The following NDUFS4 variants were observed in gnomAD, a reference collection of about 807,000 sequenced individuals.
NDUFS4 encodes NADH dehydrogenase [ubiquinone] iron-sulfur protein 4, mitochondrial.
A neutral mutation model predicts 24.3 loss-of-function variants in NDUFS4; 28 were observed. That is an observed-to-expected ratio of 1.15 (90% confidence interval 0.85 to 1.58). NDUFS4 has a LOEUF of 1.58. Ranked by LOEUF, NDUFS4 falls within the 40% of genes most tolerant of loss-of-function variation. The pLI is 0.00. For synonymous variants in NDUFS4, 93 were observed against 69.7 expected (o/e 1.34, Z -1.67); for missense variants, 223 against 207.9 (o/e 1.07, Z -0.45).
chr5:53,653,924 A>G (rs1216375879), intron 3 of NDUFS4, among the ~76,000 whole-genome samples: 2 of 152,130 alleles, frequency 1.3e-5, no homozygotes, highest in African/African-American at 2.4e-5. Flanking sequence ...AAGCCACATT[A>G]TGTACTGTCT....
At chr5:53,650,563 T>G (rs1252748526) in intron 3 of NDUFS4, among the ~76,000 whole-genome samples, 1 of 152,262 alleles carries the variant, frequency 6.6e-6, no homozygotes, top group African/African-American at 2.4e-5. Flanking sequence ...GTTCAGATTC[T>G]TGTCTGTGTC....
chr5:53,607,305 C>T (rs1750552919), intron 2 of NDUFS4, among the ~76,000 whole-genome samples: 1 of 152,194 alleles, frequency 6.6e-6, no homozygotes, highest in Admixed American at 6.5e-5. Context: ...AGATGTCAAG[C>T]TCAATCACAT....
At chr5:53,650,287 A>G (rs1328924894) in intron 3 of NDUFS4, among the ~76,000 whole-genome samples, 1 of 152,222 alleles carries the variant, frequency 6.6e-6, no homozygotes, top group African/African-American at 2.4e-5. Context: ...GAGAAAAAGT[A>G]ATATCTTCCT....
intron 4 of NDUFS4, among the ~76,000 whole-genome samples, chr5:53,671,509 G>C (rs544800094): frequency 6.6e-6 from 1 of 152,256 alleles, no homozygotes; most frequent in Non-Finnish European, 1.5e-5. Context: ...AACATCTTAA[G>C]CTCAGCATCT....
At chr5:53,588,760 T>C (rs1039030695) in intron 1 of NDUFS4, among the ~76,000 whole-genome samples, 1 of 152,214 alleles carries the variant, frequency 6.6e-6, no homozygotes, top group African/African-American at 2.4e-5. Flanking sequence ...AGCTTTCCCT[T>C]TGATGTAATA....
intron 1 of NDUFS4, among the ~76,000 whole-genome samples, chr5:53,603,163 A>G (rs1750380639): frequency 6.6e-6 from 1 of 152,132 alleles, no homozygotes; most frequent in Admixed American, 6.6e-5. Flanking sequence ...CTGTACACTC[A>G]TAGACAGCAG....
rs111260014 is a variant in NDUFS4 at position 53,586,496 on chromosome 5, TTTAGTTAGTTAG to T, written c.99-16949_99-16938del. Among the ~76,000 whole-genome samples the T allele has an allele frequency of 5.4e-3, 778 of 143,542 alleles. 5 individuals carry two copies. The highest frequency in any genetic ancestry group is 0.02 in the African/African-American group (743 of 37,430). 94.2% of individuals were successfully genotyped at this position (143,542 alleles called of 152,430 possible). On this transcript the variant is annotated intron_variant, in intron 1 of 4. Transcript: ENST00000296684. ...TGTAGTTGTTCAGGAAAATGAATTG[TTTAGTTAGTTAG>T]TTAGTTTGTTTGTTTGTTTATTTAT...
chr5:53,657,681 T>G (rs1752203363), intron 3 of NDUFS4, among the ~76,000 whole-genome samples: 1 of 152,024 alleles, frequency 6.6e-6, no homozygotes. Flanking sequence ...TACCAGCACT[T>G]TGGGAGGCTG....
At chr5:53,598,701 A>G (rs1029193938) in intron 1 of NDUFS4, among the ~76,000 whole-genome samples, 6 of 152,212 alleles carry the variant, frequency 3.9e-5, no homozygotes, top group African/African-American at 1.4e-4. Flanking sequence ...CAAAAATCTC[A>G]CCAAACTGTT....
Position 53,658,543 on chromosome 5 carries a change from T to C in NDUFS4, c.351-8T>C. 6.2e-7 allele frequency: 1 copy of C among 1,611,280 alleles called. No individual in the cohort carries two copies. Among genetic ancestry groups the C allele is most frequent in the East Asian group, 2.2e-5 (1 of 44,722 alleles). ...GTTAAATCTTGGAAAAAAATTTGTT[T>C]CTTACAGGGCTGATCCCTTATCCAA... On this transcript the variant is annotated splice_region_variant and splice_polypyrimidine_tract_variant and intron_variant, in intron 3 of 4. Transcript: ENST00000296684.
chr5:53,632,074 G>A (rs536545155), intron 2 of NDUFS4, among the ~76,000 whole-genome samples: 5 of 152,214 alleles, frequency 3.3e-5, no homozygotes, highest in Non-Finnish European at 7.3e-5. Flanking sequence ...GATGAACCAG[G>A]TACCTCAGTT....
At chr5:53,641,101 T>C (rs972665341) in intron 2 of NDUFS4, among the ~76,000 whole-genome samples, 2 of 152,172 alleles carry the variant, frequency 1.3e-5, no homozygotes, top group South Asian at 4.1e-4. Context: ...AAAAAATACG[T>C]TGAATAAATG....
At position 53,614,577 on chromosome 5, in the gene NDUFS4, A is replaced by C. The variant is rs150276704; in HGVS notation, c.177+11047A>C. On this transcript the variant is annotated intron_variant, in intron 2 of 4. Coordinates refer to ENST00000296684, the MANE Select transcript of NDUFS4 (RefSeq NM_002495.4). ...ACTGACTGAAATGTTTTATCTTTCA[A>C]AAGGTTTAAAGTTCTATGTACCAAT... 1.6e-3 allele frequency among the ~76,000 whole-genome samples: 241 copies of C among 152,130 alleles called. 1 individual carries two copies. The highest frequency in any genetic ancestry group is 5.6e-3 in the African/African-American group (231 of 41,560).
At chr5:53,585,364 T>G (rs1749714376) in intron 1 of NDUFS4, among the ~76,000 whole-genome samples, 1 of 152,162 alleles carries the variant, frequency 6.6e-6, no homozygotes, top group Admixed American at 6.5e-5. Flanking sequence ...AATAAATAAT[T>G]GTTGAGTTTT....
rs912418664 is a variant in NDUFS4 at position 53,580,659 on chromosome 5, TTCTC to T, written c.98+19905_98+19908del. Among the ~76,000 whole-genome samples, 6 of 146,984 alleles carry T rather than the reference TTCTC, an allele frequency of 4.1e-5. No homozygotes were observed. The East Asian group carries it at 6.0e-4, about 15-fold the overall frequency. ...TCGCTTATTTATTTTCTTTCTTTCT[TTCTC>T]TCTCTTTCTTTCTTTCTCTTTCGTC... On this transcript the variant is annotated intron_variant, in intron 1 of 4. Coordinates refer to ENST00000296684, the MANE Select transcript of NDUFS4 (RefSeq NM_002495.4).
chr5:53,606,364 A>G (rs1000049521), intron 2 of NDUFS4, among the ~76,000 whole-genome samples: 6 of 152,002 alleles, frequency 3.9e-5, no homozygotes, highest in African/African-American at 9.7e-5. Flanking sequence ...TCATATGACA[A>G]AAGCAGGTGC....
Position 53,683,105 on chromosome 5 carries a change from T to G in NDUFS4, c.425-13T>G. Reference sequence around the variant, plus strand: ...TCTGTTTCTGTGGATTTGTCTTTGTTTTTTCCTCCTAGGATGGAGCTATGA... The same window carrying G: ...TCTGTTTCTGTGGATTTGTCTTTGTGTTTTCCTCCTAGGATGGAGCTATGA... On this transcript the variant is annotated splice_polypyrimidine_tract_variant and intron_variant, in intron 4 of 4. Coordinates refer to ENST00000296684, the MANE Select transcript of NDUFS4 (RefSeq NM_002495.4). 1.9e-6 allele frequency: 3 copies of G among 1,547,024 alleles called. No individual in the cohort carries two copies. The South Asian group carries it at 3.3e-5, about 17-fold the overall frequency.
At chr5:53,582,803 T>C (rs1206355924) in intron 1 of NDUFS4, among the ~76,000 whole-genome samples, 2 of 152,258 alleles carry the variant, frequency 1.3e-5, no homozygotes, top group Admixed American at 6.5e-5. Context: ...TAATAGATAC[T>C]TCATATAATA....
At chr5:53,591,954 T>G (rs1441908730) in intron 1 of NDUFS4, among the ~76,000 whole-genome samples, 1 of 152,144 alleles carries the variant, frequency 6.6e-6, no homozygotes, top group African/African-American at 2.4e-5. Context: ...GTTGTTGTTT[T>G]GAGACGGGAT....
Sources: gnomAD v4.1 joint callset for allele counts (sites outside exome capture counted in the v4.1 genomes callset) on GRCh38, gnomAD v4.1.1 for gene constraint, MANE v1.5 for transcripts, NCBI Gene and HGNC (gene_info 2026-07-23, HGNC 2026-07-21) for gene names.